The following ARHGAP5 variants were observed in gnomAD, a reference collection of about 807,000 sequenced individuals.
ARHGAP5 encodes the protein rho GTPase-activating protein 5.
ARHGAP5 carries 23 observed loss-of-function variants against 116.6 expected under a neutral mutation model. That is an observed-to-expected ratio of 0.20 (90% confidence interval 0.14 to 0.28). The LOEUF (loss-of-function observed/expected upper bound fraction) is 0.28. Ranked by LOEUF, ARHGAP5 falls within the 10% of genes least tolerant of loss-of-function variation. ARHGAP5 has a pLI of 1.00. For missense variants in ARHGAP5, 1,405 were observed against 1,774.8 expected (o/e 0.79, Z 3.74); for synonymous variants, 574 against 602.0 (o/e 0.95, Z 0.68).
chr14:32,115,690 G>C (rs1179460151), intron 2 of ARHGAP5, among the ~76,000 whole-genome samples: 2 of 146,362 alleles, frequency 1.4e-5, no homozygotes, highest in African/African-American at 5.1e-5. Flanking sequence ...AAAAAGCATC[G>C]GCTGGGTGCT....
At chr14:32,121,110 C>T (rs1326322022) in intron 3 of ARHGAP5, among the ~76,000 whole-genome samples, 1 of 150,984 alleles carries the variant, frequency 6.6e-6, no homozygotes, top group African/African-American at 2.4e-5. Flanking sequence ...CTCCACCTCC[C>T]CGGCTCAGGC....
chr14:32,109,194 G>A (rs189878758), intron 2 of ARHGAP5, among the ~76,000 whole-genome samples: 8 of 152,124 alleles, frequency 5.3e-5, no homozygotes, highest in Middle Eastern at 3.4e-3. Context: ...CACTAAGCCC[G>A]AGAATCTTTT....
At chr14:32,126,445 G>T (rs1880158920) in intron 3 of ARHGAP5, among the ~76,000 whole-genome samples, 1 of 152,120 alleles carries the variant, frequency 6.6e-6, no homozygotes, top group African/African-American at 2.4e-5. Flanking sequence ...GCGTGCGCAG[G>T]TGTGTTTTCT....
At chr14:32,103,859 T>A (rs983904191) in intron 2 of ARHGAP5, among the ~76,000 whole-genome samples, 1 of 152,190 alleles carries the variant, frequency 6.6e-6, no homozygotes. Context: ...TTAAAAATAG[T>A]AGTAATTTTT....
chr14:32,123,477 A>G (rs1308167020), intron 3 of ARHGAP5, among the ~76,000 whole-genome samples: 1 of 152,008 alleles, frequency 6.6e-6, no homozygotes, highest in Non-Finnish European at 1.5e-5. Flanking sequence ...TGGGCATATA[A>G]AATTTATAAT....
chr14:32,126,662 G>A (rs1324021779), intron 3 of ARHGAP5, among the ~76,000 whole-genome samples: 2 of 152,158 alleles, frequency 1.3e-5, no homozygotes, highest in Non-Finnish European at 1.5e-5. Flanking sequence ...TTTGTTGAGT[G>A]ATGACAATGA....
At chr14:32,150,376 T>G (rs1881585607) in intron 5 of ARHGAP5, among the ~76,000 whole-genome samples, 1 of 152,224 alleles carries the variant, frequency 6.6e-6, no homozygotes, top group Admixed American at 6.5e-5. Flanking sequence ...AGAAATTTAC[T>G]TTGGCTTTGT....
intron 3 of ARHGAP5, among the ~76,000 whole-genome samples, chr14:32,135,116 C>T (rs1372753486): frequency 6.6e-6 from 1 of 152,140 alleles, no homozygotes; most frequent in Admixed American, 6.5e-5. Flanking sequence ...TATTTTGTTC[C>T]TTCCAATCCA....
In ARHGAP5 at chr14:32,124,310, G is replaced by C. The variant is rs77842126; in HGVS notation, c.3865+7023G>C. ...AAACTGGTGTTTCATATAATTTTTC[G>C]AGTCCTTAGTTTTTTACTATGGGAG... On this transcript the variant is annotated intron_variant, in intron 3 of 6. Transcript: ENST00000345122. Among the ~76,000 whole-genome samples the C allele has an allele frequency of 2.0e-5, 3 of 152,134 alleles. No individual in the cohort carries two copies. The East Asian group carries it at 5.8e-4, about 29-fold the overall frequency.
chr14:32,131,634 G>A (rs1371825908), intron 3 of ARHGAP5, among the ~76,000 whole-genome samples: 5 of 152,250 alleles, frequency 3.3e-5, no homozygotes, highest in Admixed American at 1.3e-4. Context: ...TGCACAACGT[G>A]CAGGTTTGTT....
chr14:32,110,465 A>G (rs1204393999), intron 2 of ARHGAP5, among the ~76,000 whole-genome samples: 1 of 152,032 alleles, frequency 6.6e-6, no homozygotes, highest in Non-Finnish European at 1.5e-5. Flanking sequence ...TGGTCAGTGT[A>G]GGCCTCATTG....
At chr14:32,138,732 A>G (rs1317464429) in intron 3 of ARHGAP5, among the ~76,000 whole-genome samples, 1 of 152,226 alleles carries the variant, frequency 6.6e-6, no homozygotes, top group African/African-American at 2.4e-5. Context: ...TGTAATGTTA[A>G]ACGGAAGTGG....
chr14:32,146,226 T>A (rs1157175568), intron 3 of ARHGAP5, 37 bp from the exon 4 acceptor site: 2 of 1,439,710 alleles, frequency 1.4e-6, no homozygotes, highest in Non-Finnish European at 2.0e-6. Flanking sequence ...GATATATATG[T>A]GTTTATTAAA....
chr14:32,121,801 C>G (rs960140662), intron 3 of ARHGAP5, among the ~76,000 whole-genome samples: 1 of 152,162 alleles, frequency 6.6e-6, no homozygotes, highest in African/African-American at 2.4e-5. Context: ...ACAGGCTTGC[C>G]TGTTCCTGGA....
At chr14:32,087,813 C>G (rs183182836) in intron 1 of ARHGAP5, among the ~76,000 whole-genome samples, 9 of 152,056 alleles carry the variant, frequency 5.9e-5, no homozygotes, top group African/African-American at 2.2e-4. Flanking sequence ...TATTTTTAAA[C>G]TTGAACATTT....
chr14:32,137,295 G>A (rs181524555), intron 3 of ARHGAP5, among the ~76,000 whole-genome samples: 3 of 149,302 alleles, frequency 2.0e-5, no homozygotes, highest in Admixed American at 6.7e-5. Flanking sequence ...GTGGATATTC[G>A]CCTGTCTCTG....
chr14:32,136,885 CCTT>C (rs1352910863), intron 3 of ARHGAP5, among the ~76,000 whole-genome samples: 1 of 151,810 alleles, frequency 6.6e-6, no homozygotes, highest in African/African-American at 2.4e-5. Flanking sequence ...CATTTGTGTA[CCTT>C]CTTTGGAGAA....
At chr14:32,130,168 C>T (rs1036583879) in intron 3 of ARHGAP5, among the ~76,000 whole-genome samples, 6 of 150,680 alleles carry the variant, frequency 4.0e-5, no homozygotes, top group Admixed American at 3.3e-4. Context: ...TTCCAATTTA[C>T]CTAGTAAATT....
chr14:32,128,330 G>A (rs1033032183), intron 3 of ARHGAP5, among the ~76,000 whole-genome samples: 3 of 152,346 alleles, frequency 2.0e-5, no homozygotes, highest in Middle Eastern at 3.4e-3. Context: ...CAAGGCAGGC[G>A]GCTGGGAGGT....
Sources: allele counts gnomAD v4.1 joint callset (sites outside exome capture counted in the v4.1 genomes callset), GRCh38; gene constraint gnomAD v4.1.1; transcripts MANE v1.5; gene names NCBI Gene and HGNC (gene_info 2026-07-23, HGNC 2026-07-21).